CD2AP: variants seen among roughly 807,000 people sequenced by gnomAD.
CD2AP encodes the protein CD2-associated protein.
Under a neutral mutation model 85.1 loss-of-function variants are expected in CD2AP, and 46 were observed. That is an observed-to-expected ratio of 0.54 (90% CI 0.43 to 0.69). CD2AP has a LOEUF of 0.69. Among genes scored for constraint, CD2AP ranks in the 30% least tolerant of loss-of-function variants. CD2AP has a pLI of 0.00. For synonymous variants in CD2AP, 255 were observed against 252.9 expected, an observed-to-expected ratio of 1.01 and a Z score of -0.08; for missense variants, 769 against 729.5, an observed-to-expected ratio of 1.05 and a Z score of -0.62.
Position 47,509,146 on chromosome 6 carries a change from TGAG to T in CD2AP, c.165+5710_165+5712del, listed in dbSNP as rs376782287. Among the ~76,000 whole-genome samples, 68 of 152,224 alleles carry T rather than the reference TGAG, an allele frequency of 4.5e-4. 3 individuals are homozygous for T. The South Asian group carries it at 0.014, about 32-fold the overall frequency. ...TTGTGTCTCAGGGAATAGGGAGCCC[TGAG>T]GAGTGGGAAAGGGTAGGAAATGACC... On this transcript the variant is annotated intron_variant, in intron 2 of 17. Coordinates refer to ENST00000359314, the MANE Select transcript of CD2AP (RefSeq NM_012120.3).
intron 2 of CD2AP, among the ~76,000 whole-genome samples, chr6:47,512,555 A>T (rs1206476710): frequency 6.6e-6 from 1 of 152,218 alleles, no homozygotes; most frequent in Non-Finnish European, 1.5e-5. Flanking sequence ...AGACACCATA[A>T]GTTTGTTTTG....
At chr6:47,498,454 G>C (rs1765924083) in intron 1 of CD2AP, among the ~76,000 whole-genome samples, 1 of 152,102 alleles carries the variant, frequency 6.6e-6, no homozygotes, top group Non-Finnish European at 1.5e-5. Context: ...TCACAGACCT[G>C]TTTCCATTTG....
chr6:47,500,904 C>T (rs1376295589), intron 1 of CD2AP, among the ~76,000 whole-genome samples: 2 of 152,136 alleles, frequency 1.3e-5, no homozygotes, highest in African/African-American at 2.4e-5. Flanking sequence ...CCTGCCACCA[C>T]GCCTGGCTAA....
chr6:47,549,792 T>C (rs539727117), intron 4 of CD2AP, among the ~76,000 whole-genome samples: 1 of 152,174 alleles, frequency 6.6e-6, no homozygotes, highest in East Asian at 1.9e-4. Context: ...AGACCTCACA[T>C]TACCTGATTT....
Position 47,478,332 on chromosome 6 carries a change from G to C in CD2AP, c.4+84G>C, listed in dbSNP as rs1765358747. On this transcript the variant is annotated intron_variant, in intron 1 of 17. Coordinates refer to ENST00000359314, the MANE Select transcript of CD2AP (RefSeq NM_012120.3). ...TGCCCTTTCTCGGCCTTCTGGGGAG[G>C]CGACTGCGGTCAGCCCCTGAGCGGC... is the stretch of plus-strand genomic sequence containing the variant. The C allele has an allele frequency of 2.0e-6, 3 of 1,499,188 alleles. No homozygotes were observed. In the South Asian group the frequency reaches 3.6e-5, roughly 18 times the overall value. 92.9% of individuals were successfully genotyped at this position (1,499,188 alleles called of 1,614,324 possible). A position where few individuals can be genotyped will look rare whatever the true frequency, so the allele number is the denominator to read the frequency against.
intron 5 of CD2AP, among the ~76,000 whole-genome samples, chr6:47,559,238 G>C (rs188172992): frequency 2.0e-3 from 308 of 151,032 alleles, no homozygotes; most frequent in Admixed American, 3.1e-3. Flanking sequence ...TCTGGCTAAC[G>C]GTCTCTCTGT....
chr6:47,624,423 G>A lies in CD2AP; in HGVS notation c.*196G>A, dbSNP rs1769848773. The A allele has an allele frequency of 1.8e-6, 1 of 558,230 alleles. No homozygotes were observed. Among genetic ancestry groups the A allele is most frequent in the African/African-American group, 1.9e-5 (1 of 53,036 alleles). The allele number at this position is 558,230 out of a possible 1,614,324, so 34.6% of individuals were successfully genotyped here. A position where few individuals can be genotyped will look rare whatever the true frequency, so the allele number is the denominator to read the frequency against. ...GTTTTGCCAATATGAAGAAAAAGAGGCCTTATTTCTTAACTGTGCTGGGAT... is the reference window on the plus strand; with the variant it reads ...GTTTTGCCAATATGAAGAAAAAGAGACCTTATTTCTTAACTGTGCTGGGAT... On this transcript the variant is annotated 3_prime_UTR_variant, in exon 18 of 18. Coordinates refer to ENST00000359314, the MANE Select transcript of CD2AP (RefSeq NM_012120.3).
At chr6:47,512,599 C>T (rs1720774019) in intron 2 of CD2AP, among the ~76,000 whole-genome samples, 1 of 152,198 alleles carries the variant, frequency 6.6e-6, no homozygotes, top group African/African-American at 2.4e-5. Flanking sequence ...TGTCCCTTTG[C>T]AGTGTGTTTG....
intron 17 of CD2AP, among the ~76,000 whole-genome samples, chr6:47,614,825 G>T (rs1582627731): frequency 1.3e-5 from 2 of 152,244 alleles, no homozygotes; most frequent in East Asian, 3.9e-4. Flanking sequence ...TTCTTTCTTT[G>T]CTCAGGGACA....
intron 4 of CD2AP, among the ~76,000 whole-genome samples, chr6:47,546,305 A>G (rs1582542200): frequency 6.6e-6 from 1 of 152,300 alleles, no homozygotes; most frequent in African/African-American, 2.4e-5. Context: ...TCCAACAAAG[A>G]CAAAGAATAA....
At chr6:47,553,753 A>G (rs1463417106) in intron 4 of CD2AP, among the ~76,000 whole-genome samples, 1 of 152,114 alleles carries the variant, frequency 6.6e-6, no homozygotes, top group Non-Finnish European at 1.5e-5. Context: ...TAAAAATTTC[A>G]TAGAAATTGA....
chr6:47,497,368 CCCTTCT>C (rs1562003553), intron 1 of CD2AP, among the ~76,000 whole-genome samples: 2 of 137,582 alleles, frequency 1.5e-5, no homozygotes, highest in African/African-American at 5.5e-5. Flanking sequence ...CTTCCCCTTC[CCCTTCT>C]CCTTCCCTGT....
intron 4 of CD2AP, among the ~76,000 whole-genome samples, chr6:47,549,460 C>CAAAAAAAA (rs67626138): frequency 1.3e-4 from 14 of 110,678 alleles, no homozygotes; most frequent in African/African-American, 1.7e-4. Flanking sequence ...ACAATAGCTG[C>CAAAAAAAA]AAAAAAAAAA....
intron 17 of CD2AP, among the ~76,000 whole-genome samples, chr6:47,617,778 A>G (rs1769630927): frequency 6.6e-6 from 1 of 152,154 alleles, no homozygotes; most frequent in African/African-American, 2.4e-5. Context: ...GCTTTCCATT[A>G]CATGCTGAAT....
chr6:47,589,523 CAT>C (rs1166511159), intron 11 of CD2AP, among the ~76,000 whole-genome samples: 111 of 81,296 alleles, frequency 1.4e-3, no homozygotes, highest in Non-Finnish European at 2.6e-3. Flanking sequence ...TATGTACACA[CAT>C]ATATACACAT....
intron 1 of CD2AP, among the ~76,000 whole-genome samples, 161 bp downstream of exon 1, chr6:47,478,409 A>G (rs1765361171): frequency 6.6e-6 from 1 of 150,484 alleles, no homozygotes; most frequent in African/African-American, 2.4e-5. Flanking sequence ...CCTGCCTTCC[A>G]CCTTGCTCTT....
At chr6:47,534,449 G>A (rs1411846771) in intron 3 of CD2AP, among the ~76,000 whole-genome samples, 1 of 152,188 alleles carries the variant, frequency 6.6e-6, no homozygotes, top group East Asian at 1.9e-4. Flanking sequence ...GCTCACTCCT[G>A]TAATCCCAGC....
chr6:47,607,808 A>T (rs754944898), intron 14 of CD2AP, 119 bp from the exon 15 acceptor site: 46 of 674,018 alleles, frequency 6.8e-5, no homozygotes, highest in Non-Finnish European at 1.1e-4. Flanking sequence ...TAATAATGGG[A>T]TATCAGCAAC....
chr6:47,521,786 C>T (rs765823737), intron 2 of CD2AP, among the ~76,000 whole-genome samples: 10 of 152,164 alleles, frequency 6.6e-5, no homozygotes, highest in South Asian at 6.2e-4. Context: ...GAGGCTGAGG[C>T]GGGCAGGTCA....
Sources: allele counts gnomAD v4.1 joint callset (sites outside exome capture counted in the v4.1 genomes callset), GRCh38; gene constraint gnomAD v4.1.1; transcripts MANE v1.5; gene names NCBI Gene and HGNC (gene_info 2026-07-23, HGNC 2026-07-21).